The following OSTN variants were observed in gnomAD, a reference collection of about 807,000 sequenced individuals.
The protein encoded by OSTN is osteocrin.
A neutral mutation model predicts 12.0 loss-of-function variants in OSTN; 9 were observed. That is an observed-to-expected ratio of 0.75 (90% CI 0.45 to 1.30). OSTN has a LOEUF of 1.30. Ranked by LOEUF, OSTN falls within the 50% of genes most tolerant of loss-of-function variation. The pLI is 0.00. For synonymous variants in OSTN, 59 were observed against 56.9 expected (o/e 1.04, Z -0.16); for missense variants, 148 against 152.3 (o/e 0.97, Z 0.15).
chr3:191,246,947 C>T (rs1190186483), intron 3 of OSTN, among the ~76,000 whole-genome samples: 2 of 152,178 alleles, frequency 1.3e-5, no homozygotes, highest in African/African-American at 2.4e-5. Context: ...CCAGATAACC[C>T]AGGATAATCT....
At chr3:191,256,478 G>C (rs1236630091) in intron 4 of OSTN, among the ~76,000 whole-genome samples, 2 of 152,072 alleles carry the variant, frequency 1.3e-5, no homozygotes, top group Middle Eastern at 6.8e-3. Flanking sequence ...AAGATCACAG[G>C]TCTCTGTAAA....
At chr3:191,218,222 G>A (rs1178297263) in intron 2 of OSTN, among the ~76,000 whole-genome samples, 2 of 152,142 alleles carry the variant, frequency 1.3e-5, no homozygotes, top group Non-Finnish European at 2.9e-5. Context: ...AGCATTCCAG[G>A]AGTTTTTCTT....
chr3:191,208,010 C>T (rs980512969), intron 1 of OSTN, among the ~76,000 whole-genome samples: 2 of 152,104 alleles, frequency 1.3e-5, no homozygotes, highest in Non-Finnish European at 2.9e-5. Context: ...ACATAATAGT[C>T]CAATTGTCTA....
Position 191,264,413 on chromosome 3 carries a change from C to T in OSTN, c.*1560C>T, listed in dbSNP as rs1315252898. The T allele has an allele frequency of 6.6e-6, 1 of 151,968 alleles. No homozygotes were observed. Among genetic ancestry groups the T allele is most frequent in the Non-Finnish European group, 1.5e-5 (1 of 67,944 alleles). 9.4% of individuals were successfully genotyped at this position (151,968 alleles called of 1,614,324 possible). Reference sequence around the variant, plus strand: ...TATATATTGGTTTTGTATGTAACTTCTTAGTTTTTCTGGATATTTTTAAAA... The same window carrying T: ...TATATATTGGTTTTGTATGTAACTTTTTAGTTTTTCTGGATATTTTTAAAA... On this transcript the variant is annotated 3_prime_UTR_variant, in exon 5 of 5. Coordinates refer to ENST00000682035, the MANE Select transcript of OSTN (RefSeq NM_198184.2).
chr3:191,245,699 C>G (rs1665928989), intron 3 of OSTN, among the ~76,000 whole-genome samples: 1 of 152,076 alleles, frequency 6.6e-6, no homozygotes. Flanking sequence ...ACTTATTTAC[C>G]TTCATTTTTG....
At chr3:191,217,623 A>T (rs1459110748) in intron 2 of OSTN, among the ~76,000 whole-genome samples, 1 of 152,232 alleles carries the variant, frequency 6.6e-6, no homozygotes, top group Non-Finnish European at 1.5e-5. Context: ...GAAAAGACAG[A>T]CTTCACAAAC....
intron 4 of OSTN, among the ~76,000 whole-genome samples, chr3:191,251,984 A>G (rs1340479137): frequency 6.6e-6 from 1 of 152,120 alleles, no homozygotes; most frequent in Non-Finnish European, 1.5e-5. Context: ...CTTGATTATC[A>G]CCCATTTCAA....
chr3:191,212,910 G>A (rs187755729), intron 2 of OSTN, among the ~76,000 whole-genome samples: 194 of 114,330 alleles, frequency 1.7e-3, no homozygotes, highest in African/African-American at 5.8e-3. Flanking sequence ...TCACTCTGTC[G>A]CCCAGGCTGG....
At chr3:191,229,865 G>A (rs1392340601) in intron 3 of OSTN, 1 of 152,078 alleles carries the variant, frequency 6.6e-6, no homozygotes, top group African/African-American at 2.4e-5. Flanking sequence ...AGGAGTTCGA[G>A]ACCAGCCTGC....
rs1715877535 is a variant in OSTN at position 191,264,529 on chromosome 3, G to A, written c.*1676G>A. 6.6e-6 allele frequency: 1 copy of A among 152,068 alleles called. No homozygotes were observed. The highest frequency in any genetic ancestry group is 2.4e-5 in the African/African-American group (1 of 41,412). The allele number at this position is 152,068 out of a possible 1,614,324, so 9.4% of individuals were successfully genotyped here. A position where few individuals can be genotyped will look rare whatever the true frequency, so the allele number is the denominator to read the frequency against. On this transcript the variant is annotated 3_prime_UTR_variant, in exon 5 of 5. Transcript: ENST00000682035. ...TGTAGCCAAGAGAAGTGAATTTTGG[G>A]AAATCTAACCAATTCTTTTTTTCAT...
chr3:191,242,862 A>T (rs1423803640), intron 3 of OSTN, among the ~76,000 whole-genome samples: 1 of 152,226 alleles, frequency 6.6e-6, no homozygotes, highest in Non-Finnish European at 1.5e-5. Context: ...AAAAAATCAC[A>T]ATAAAGAAGA....
chr3:191,228,361 A>C (rs1714966147), intron 3 of OSTN, among the ~76,000 whole-genome samples: 1 of 152,222 alleles, frequency 6.6e-6, no homozygotes, highest in African/African-American at 2.4e-5. Context: ...GGCATTTGGC[A>C]TTGACAGAAA....
At chr3:191,215,185 C>T (rs1257837751) in intron 2 of OSTN, among the ~76,000 whole-genome samples, 1 of 152,012 alleles carries the variant, frequency 6.6e-6, no homozygotes, top group Non-Finnish European at 1.5e-5. Flanking sequence ...GACTGAATTA[C>T]CAAACATTTA....
intron 1 of OSTN, among the ~76,000 whole-genome samples, chr3:191,199,672 C>A (rs545274305): frequency 5.3e-5 from 8 of 151,958 alleles, no homozygotes; most frequent in Non-Finnish European, 1.0e-4. Context: ...TCTAAACAAC[C>A]TAGGTAAAAA....
chr3:191,253,593 C>T (rs1460499037), intron 4 of OSTN, among the ~76,000 whole-genome samples: 1 of 152,136 alleles, frequency 6.6e-6, no homozygotes, highest in Non-Finnish European at 1.5e-5. Flanking sequence ...TCAAGACAGG[C>T]TATGGGAGAG....
intron 3 of OSTN, among the ~76,000 whole-genome samples, chr3:191,228,194 A>G (rs1714962701): frequency 6.6e-6 from 1 of 152,170 alleles, no homozygotes; most frequent in Non-Finnish European, 1.5e-5. Context: ...TGAAATTAGA[A>G]ATAATAAGCT....
At chr3:191,212,883 T>TC (rs1243542487) in intron 2 of OSTN, among the ~76,000 whole-genome samples, 2 of 139,444 alleles carry the variant, frequency 1.4e-5, no homozygotes, top group African/African-American at 2.6e-5. Flanking sequence ...TTTTTTTTTT[T>TC]TTTTTGAGAC....
At chr3:191,232,361 ATTG>A (rs1002531709) in intron 3 of OSTN, among the ~76,000 whole-genome samples, 1 of 144,962 alleles carries the variant, frequency 6.9e-6, no homozygotes, top group African/African-American at 2.6e-5. Flanking sequence ...AAAAAAAAAA[ATTG>A]TTGTAACTAG....
At chr3:191,230,997 C>T (rs1715040440) in intron 3 of OSTN, among the ~76,000 whole-genome samples, 2 of 152,132 alleles carry the variant, frequency 1.3e-5, no homozygotes, top group South Asian at 4.1e-4. Flanking sequence ...AGAATCCCTC[C>T]GAATGCATAC....
Sources: gnomAD v4.1 joint callset for allele counts (sites outside exome capture counted in the v4.1 genomes callset) on GRCh38, gnomAD v4.1.1 for gene constraint, MANE v1.5 for transcripts, NCBI Gene and HGNC (gene_info 2026-07-23, HGNC 2026-07-21) for gene names.